NOL6: variants seen among roughly 807,000 people sequenced by gnomAD.
NOL6 encodes nucleolar protein 6, also known as nucleolar RNA-associated protein.
Under a neutral mutation model 131.7 loss-of-function variants are expected in NOL6, and 33 were observed. That is an observed-to-expected ratio of 0.25 (90% CI 0.19 to 0.33). The LOEUF is 0.33. Among genes scored for constraint, NOL6 ranks in the 10% least tolerant of loss-of-function variants. The pLI is 1.00. For missense variants in NOL6, 1,297 were observed against 1,494.5 expected, an observed-to-expected ratio of 0.87 and a Z score of 2.18; for synonymous variants, 580 against 605.7, an observed-to-expected ratio of 0.96 and a Z score of 0.62.
intron 23 of NOL6, 136 bp from the exon 24 acceptor site, chr9:33,463,577 C>T: frequency 2.4e-6 from 2 of 845,472 alleles, no homozygotes; most frequent in Non-Finnish European, 3.7e-6. Context: ...CATTTGAAGA[C>T]TGAAGCACCA....
At position 33,467,700 on chromosome 9, in the gene NOL6, TG is replaced by T; in HGVS notation, c.1592del (p.Pro531GlnfsTer20). The T allele has an allele frequency of 6.4e-7, 1 of 1,565,140 alleles. No individual in the cohort carries two copies. The highest frequency in any genetic ancestry group is 8.6e-7 in the Non-Finnish European group (1 of 1,157,590). On this transcript the variant is annotated frameshift_variant, in exon 12 of 26. Transcript: ENST00000297990. LOFTEE classifies it high-confidence loss of function. This position sits in a 1 kb window ranked among gnomAD's most constrained non-coding sequence, Gnocchi z 4.4. ...ACCTACACCACCTCACCTCTGGGAC[TG>T]GGGGTCGAGAGTGAGCCAGCAGGTT... is the stretch of plus-strand genomic sequence containing the variant. ...RLNLLAHSRP[P>X]VPEWDISQDP...
At position 33,463,378 on chromosome 9, in the gene NOL6, G is replaced by A; in HGVS notation, c.3058C>T (p.Pro1020Ser). The change falls in exon 24 of 26, where the codon CCG becomes TCG. Residue 1020 changes from proline to serine, a missense_variant. By Grantham distance (74) the Pro-to-Ser change is moderately conservative. Coordinates refer to ENST00000297990, the MANE Select transcript of NOL6 (RefSeq NM_022917.5). ...GAGTCCACAGCCTGGCGGTGCCGCG[G>A]GATATGGCGAGGAGACAGGCGAATC... ...VLIRLSPRHI[P>S]RHRQAVDSPA... The A allele has an allele frequency of 6.2e-7, 1 of 1,614,080 alleles. No homozygotes were observed. The highest frequency in any genetic ancestry group is 1.3e-5 in the African/African-American group (1 of 75,038).
intron 4 of NOL6, 88 bp from the exon 5 acceptor site, chr9:33,469,755 G>A: frequency 3.3e-6 from 5 of 1,506,216 alleles, no homozygotes; most frequent in Non-Finnish European, 4.5e-6. Flanking sequence ...AGAGAGCCAG[G>A]GCTCCTCTGC....
chr9:33,473,565 C>T (rs1313204599), intron 1 of NOL6, among the ~76,000 whole-genome samples: 4 of 152,188 alleles, frequency 2.6e-5, no homozygotes, highest in Non-Finnish European at 4.4e-5. Flanking sequence ...TGCAGAGCTC[C>T]AGAAGAGAGC....
chr9:33,468,939 T>C lies in NOL6; in HGVS notation c.1026+19A>G. Reference sequence around the variant, plus strand: ...CACACAGGCGCTCAGGTAGGGAGGCTGCGCCACCCCCAACTCACCTTGTCC... The same window carrying C: ...CACACAGGCGCTCAGGTAGGGAGGCCGCGCCACCCCCAACTCACCTTGTCC... On this transcript the variant is annotated intron_variant, in intron 7 of 25. Coordinates refer to ENST00000297990, the MANE Select transcript of NOL6 (RefSeq NM_022917.5). 3.7e-6 allele frequency: 6 copies of C among 1,614,022 alleles called. No individual in the cohort carries two copies. The highest frequency in any genetic ancestry group is 5.1e-6 in the Non-Finnish European group (6 of 1,179,968).
chr9:33,462,554 G>C lies in NOL6; in HGVS notation c.*110C>G. 1 of 1,238,082 alleles carries C rather than the reference G, an allele frequency of 8.1e-7. No homozygotes were observed. The allele number at this position is 1,238,082 out of a possible 1,614,324, so 76.7% of individuals were successfully genotyped here. ...ATGATTCAGCATGTTCAGCCAGCAG[G>C]CCCTCCATGGAGGATTCATGTCCAA... On this transcript the variant is annotated 3_prime_UTR_variant, in exon 26 of 26. Coordinates refer to ENST00000297990, the MANE Select transcript of NOL6 (RefSeq NM_022917.5).
rs774792732 is a variant in NOL6, at chr9:33,468,811, C to A, written c.1088G>T (p.Arg363Leu). The A allele has an allele frequency of 8.2e-5, 133 of 1,613,978 alleles. No homozygotes were observed. Among genetic ancestry groups the A allele is most frequent in the Admixed American group, 2.3e-4 (14 of 59,996 alleles). Reference sequence around the variant, plus strand: ...GCCACTCATGGTGGTATGGATCTTGCGTGTAGACACAAGGAAGACAACCAG... The same window carrying A: ...GCCACTCATGGTGGTATGGATCTTGAGTGTAGACACAAGGAAGACAACCAG... ...SMLVVFLVST[R>L]KIHTTMSGYQ... Residue 363 changes from arginine to leucine, a missense_variant, in exon 8 of 26, where the codon CGC (arginine) becomes CTC (leucine). Transcript: ENST00000297990.
chr9:33,468,842 A>C lies in NOL6; in HGVS notation c.1057T>G (p.Ser353Ala). The C allele has an allele frequency of 6.2e-7, 1 of 1,614,146 alleles. No homozygotes were observed. Among genetic ancestry groups the C allele is most frequent in the Non-Finnish European group, 8.5e-7 (1 of 1,180,026 alleles). The change falls in exon 8 of 26, where the codon TCC (serine) becomes GCC (alanine). Residue 353 changes from serine to alanine, a missense_variant. Coordinates refer to ENST00000297990, the MANE Select transcript of NOL6 (RefSeq NM_022917.5). Reference protein sequence around the residue: ...GQGGFTGFLVSMLVVFLVSTR... With the variant: ...GQGGFTGFLVAMLVVFLVSTR... ...GACACAAGGAAGACAACCAGCATGG[A>C]GACAAGGAACCCAGTAAACCCACCC...
At chr9:33,465,113 C>A in intron 20 of NOL6, 94 bp downstream of exon 20, 1 of 1,496,534 alleles carries the variant, frequency 6.7e-7, no homozygotes, top group Admixed American at 2.1e-5. Flanking sequence ...ACTTGCTCAA[C>A]CACCCATTCC....
In NOL6 at chr9:33,468,889, G is replaced by A. The variant is rs780789475; in HGVS notation, c.1027-17C>T. ...ACCCTGGCCCTGAAAGAGACAGGGA[G>A]AGGCTGAGGTCAGAGCCTGCCCATC... On this transcript the variant is annotated splice_polypyrimidine_tract_variant and intron_variant, in intron 7 of 25. Transcript: ENST00000297990. The A allele has an allele frequency of 1.9e-6, 3 of 1,614,148 alleles. No individual in the cohort carries two copies. In the South Asian group the frequency reaches 3.3e-5, roughly 18 times the overall value.
chr9:33,472,189 C>T lies in NOL6; in HGVS notation c.261+17G>A. 1 of 1,613,930 alleles carries T rather than the reference C, an allele frequency of 6.2e-7. No individual in the cohort carries two copies. Among genetic ancestry groups the T allele is most frequent in the South Asian group, 1.1e-5 (1 of 91,070 alleles). The stretch of plus-strand genomic sequence containing the variant: ...AGGTACACACCTCGAACAAAAGCTG[C>T]AGACACTCAACAGTACCTGTAAACG... On this transcript the variant is annotated intron_variant, in intron 2 of 25. Coordinates refer to ENST00000297990, the MANE Select transcript of NOL6 (RefSeq NM_022917.5).
At chr9:33,463,733 A>C in intron 23 of NOL6, 98 bp downstream of exon 23, 1 of 1,323,344 alleles carries the variant, frequency 7.6e-7, no homozygotes. Context: ...CAGTCTCACC[A>C]AACAAGGGGA....
Position 33,473,886 on chromosome 9 carries a change from G to A in NOL6, c.-44C>T, listed in dbSNP as rs376212145. On this transcript the variant is annotated 5_prime_UTR_variant, in exon 1 of 26. Transcript: ENST00000297990. ...CTCCCGCACTTCAGATTCTAGCCGG[G>A]TCTATACCTCATAGCTTCCCACGTG... 6 of 1,606,284 alleles carry A rather than the reference G, an allele frequency of 3.7e-6. No homozygotes were observed. The highest frequency in any genetic ancestry group is 2.2e-5 in the South Asian group (2 of 90,962).
chr9:33,464,066 C>T lies in NOL6; in HGVS notation c.2875G>A (p.Val959Met), dbSNP rs375299073. ...IVTPQDRKNS[V>M]WTQDGPSAQI... is the part of the protein sequence containing the mutation. ...GCTGAGGGTCCATCCTGTGTCCACA[C>T]AGAGTTTTTGCGGTCTTGGGGGGTA... The change falls in exon 22 of 26, where the codon GTG (valine) becomes ATG (methionine). Residue 959 changes from valine (V) to methionine (M), a missense_variant. By Grantham distance (21) the Val-to-Met change is conservative. Coordinates refer to ENST00000297990, the MANE Select transcript of NOL6 (RefSeq NM_022917.5). 6.2e-7 allele frequency: 1 copy of T among 1,613,668 alleles called. No individual in the cohort carries two copies. Among genetic ancestry groups the T allele is most frequent in the Non-Finnish European group, 8.5e-7 (1 of 1,179,772 alleles).
In NOL6 at chr9:33,466,139, C is replaced by A; in HGVS notation, c.2296G>T (p.Ala766Ser). The A allele has an allele frequency of 6.2e-7, 1 of 1,613,080 alleles. No homozygotes were observed. The highest frequency in any genetic ancestry group is 1.1e-5 in the South Asian group (1 of 90,990). ...RVRAAFQLRL[A>S]ELLTQQHGLQ... is the part of the protein sequence containing the mutation. The stretch of plus-strand genomic sequence containing the variant: ...CCATGCTGTTGTGTCAACAGCTCTG[C>A]CAGGCGCAGCTGGAAGGCAGCTCGG... The change falls in exon 18 of 26, where the codon GCA (alanine) becomes TCA (serine). Residue 766 changes from alanine (A) to serine (S), a missense_variant. Physicochemically the swap from Ala to Ser is moderately conservative, Grantham distance 99. Coordinates refer to ENST00000297990, the MANE Select transcript of NOL6 (RefSeq NM_022917.5).
chr9:33,464,916 G>T lies in NOL6; in HGVS notation c.2742C>A (p.Asn914Lys). The T allele has an allele frequency of 6.2e-7, 1 of 1,614,032 alleles. No individual in the cohort carries two copies. The highest frequency in any genetic ancestry group is 8.5e-7 in the Non-Finnish European group (1 of 1,179,968). ...LFLVSTFDWK[N>K]NPLFVNLNNE... Reference sequence around the variant, plus strand: ...TATTGAGGTTGACAAAGAGGGGGTTGTTCTTCCAATCAAACGTTGATACCA... The same window carrying T: ...TATTGAGGTTGACAAAGAGGGGGTTTTTCTTCCAATCAAACGTTGATACCA... The change falls in exon 21 of 26, where the codon AAC becomes AAA. Residue 914 changes from asparagine to lysine, a missense_variant. Coordinates refer to ENST00000297990, the MANE Select transcript of NOL6 (RefSeq NM_022917.5).
Position 33,468,059 on chromosome 9 carries a change from G to A in NOL6, c.1395C>T (p.Pro465=). 6.2e-7 allele frequency: 1 copy of A among 1,614,172 alleles called. No homozygotes were observed. The highest frequency in any genetic ancestry group is 8.5e-7 in the Non-Finnish European group (1 of 1,180,022). Residue 465 remains proline (P), a synonymous_variant, in exon 11 of 26, where the codon CCC becomes CCT. Transcript: ENST00000297990. The part of the protein sequence containing the change: ...GFHLLLMTPK[P]MIRAFDHVLH... ...GGACATGGTCAAAAGCCCGGATCAT[G>A]GGTTTGGGAGTCATCAACAGCAGGT...
rs527834565 is a variant in NOL6, at chr9:33,468,673, C to A, written c.1147+79G>T. ...TTTGCTCATCTGTCTGATGGCAAAA[C>A]ACCAAAAGACTGCTACTGGGATGAG... On this transcript the variant is annotated intron_variant, in intron 8 of 25. Coordinates refer to ENST00000297990, the MANE Select transcript of NOL6 (RefSeq NM_022917.5). 10 of 1,609,864 alleles carry A rather than the reference C, an allele frequency of 6.2e-6. No homozygotes were observed. The East Asian group carries it at 1.6e-4, about 25-fold the overall frequency.
In NOL6 at chr9:33,470,153, C is replaced by A. The variant is rs776646381; in HGVS notation, c.417G>T (p.Val139=). The A allele has an allele frequency of 6.2e-7, 1 of 1,601,924 alleles. No individual in the cohort carries two copies. Among genetic ancestry groups the A allele is most frequent in the Non-Finnish European group, 8.5e-7 (1 of 1,171,674 alleles). The change falls in exon 4 of 26, where the codon GTG becomes GTT. Residue 139 remains valine (V), a synonymous_variant. Transcript: ENST00000297990. The part of the protein sequence containing the change: ...DQAWLPAGVR[V]PLHQVPYAVK... ...CGGCATAGGGCACTTGGTGGAGGGGCACTCGAACCCCAGCTGGGAGCCATG... is the reference window on the plus strand; with the variant it reads ...CGGCATAGGGCACTTGGTGGAGGGGAACTCGAACCCCAGCTGGGAGCCATG...
Sources: gnomAD v4.1 joint callset for allele counts (sites outside exome capture counted in the v4.1 genomes callset) on GRCh38, gnomAD v4.1.1 for gene constraint, Gnocchi (gnomAD v3.1) non-coding constraint, MANE v1.5 for transcripts, NCBI Gene and HGNC (gene_info 2026-07-23, HGNC 2026-07-21) for gene names.